Variants in SUGCT observed in about 807,000 individuals in gnomAD.
SUGCT encodes the protein succinyl-CoA:glutarate CoA-transferase.
A neutral mutation model predicts 55.0 loss-of-function variants in SUGCT; 41 were observed. The observed-to-expected ratio is 0.74, with a 90% CI of 0.58 to 0.97. SUGCT has a LOEUF of 0.97. Among genes scored for constraint, SUGCT ranks in the 50% least tolerant of loss-of-function variants. SUGCT has a pLI of 0.00. For synonymous variants in SUGCT, 187 were observed against 200.4 expected, an observed-to-expected ratio of 0.93 and a Z score of 0.56; for missense variants, 568 against 547.8, an observed-to-expected ratio of 1.04 and a Z score of -0.37.
chr7:40,389,442 A>AAAACAAACAAACAAACAAACAAAC (rs67574547), intron 9 of SUGCT, among the ~76,000 whole-genome samples: 4 of 107,228 alleles, frequency 3.7e-5, no homozygotes, highest in Admixed American at 2.2e-4. Flanking sequence ...CGCCTGTCTC[A>AAAACAAACAAACAAACAAACAAAC]AAACAAACAA....
intron 1 of SUGCT, chr7:40,153,746 C>A (rs1584197301): frequency 4.4e-6 from 2 of 451,092 alleles, no homozygotes; most frequent in East Asian, 1.2e-4. Context: ...AACATCACAT[C>A]TTTATTGACC....
intron 12 of SUGCT, among the ~76,000 whole-genome samples, chr7:40,610,181 G>A (rs1259870458): frequency 6.6e-6 from 1 of 152,188 alleles, no homozygotes; most frequent in Non-Finnish European, 1.5e-5. Context: ...CCATTGCTCT[G>A]GAAGGGAAGT....
intron 10 of SUGCT, among the ~76,000 whole-genome samples, chr7:40,452,220 A>G (rs970343166): frequency 6.6e-6 from 1 of 152,238 alleles, no homozygotes; most frequent in African/African-American, 2.4e-5. Context: ...GTTCATAACA[A>G]GTCCTACTTA....
At chr7:40,460,091 T>A (rs1321207030) in intron 11 of SUGCT, among the ~76,000 whole-genome samples, 1 of 152,234 alleles carries the variant, frequency 6.6e-6, no homozygotes, top group African/African-American at 2.4e-5. Context: ...GTAGTATACA[T>A]CAAAGTTATA....
intron 12 of SUGCT, among the ~76,000 whole-genome samples, chr7:40,572,699 A>T (rs976564182): frequency 6.6e-6 from 1 of 152,198 alleles, no homozygotes; most frequent in Non-Finnish European, 1.5e-5. Context: ...TTAAAGTATT[A>T]ACTTTTTCTT....
In SUGCT at chr7:40,651,433, GT is replaced by G. The variant is rs367763795; in HGVS notation, c.1090-97991del. On this transcript the variant is annotated intron_variant, in intron 12 of 13. Coordinates refer to ENST00000335693, the MANE Select transcript of SUGCT (RefSeq NM_001193313.2). Reference sequence around the variant, plus strand: ...CATGTCCTTTGCCCACTTTTTAATGGTTTTTTTTTTCTTGTGAATTTGTTTA... The same window carrying G: ...CATGTCCTTTGCCCACTTTTTAATGGTTTTTTTTTCTTGTGAATTTGTTTA... 4.7e-3 allele frequency among the ~76,000 whole-genome samples: 702 copies of G among 148,402 alleles called. 4 individuals are homozygous for G. The highest frequency in any genetic ancestry group is 0.015 in the African/African-American group (622 of 40,516).
At chr7:40,197,179 A>T (rs573280156) in intron 6 of SUGCT, among the ~76,000 whole-genome samples, 1 of 152,254 alleles carries the variant, frequency 6.6e-6, no homozygotes, top group Admixed American at 6.5e-5. Context: ...TGTACTTGGT[A>T]GATGATTCTT....
rs377646311 is a variant in SUGCT at position 40,650,531 on chromosome 7, A to G, written c.1090-98903A>G. Among the ~76,000 whole-genome samples, 16 of 152,296 alleles carry G rather than the reference A, an allele frequency of 1.1e-4. No individual in the cohort carries two copies. In the East Asian group the frequency reaches 2.7e-3, roughly 26 times the overall value. ...TGTAGGGTGTGTTTTACCTCCTCTT[A>G]TAATCTGTTAGGCAGAAATAATTGG... On this transcript the variant is annotated intron_variant, in intron 12 of 13. Transcript: ENST00000335693.
At chr7:40,296,340 G>T (rs952219467) in intron 8 of SUGCT, among the ~76,000 whole-genome samples, 3 of 152,086 alleles carry the variant, frequency 2.0e-5, no homozygotes, top group African/African-American at 4.8e-5. Context: ...CTACTTTATC[G>T]CTGGATGGCA....
In SUGCT at chr7:40,439,061, G is replaced by GGT. The variant is rs1554338573; in HGVS notation, c.817-10223_817-10222dup. 2.0e-3 allele frequency among the ~76,000 whole-genome samples: 104 copies of GGT among 51,866 alleles called. 7 individuals are homozygous for GGT. The highest frequency in any genetic ancestry group is 3.1e-3 in the African/African-American group (26 of 8,430). 34.0% of individuals were successfully genotyped at this position (51,866 alleles called of 152,430 possible). On this transcript the variant is annotated intron_variant, in intron 9 of 13. Coordinates refer to ENST00000335693, the MANE Select transcript of SUGCT (RefSeq NM_001193313.2). The stretch of plus-strand genomic sequence containing the variant: ...GTATATATATATATGGTATATATAT[G>GGT]GTGTATATATATATATATATATATA...
intron 9 of SUGCT, among the ~76,000 whole-genome samples, chr7:40,371,622 AT>A (rs1784299078): frequency 1.3e-5 from 2 of 152,192 alleles, no homozygotes; most frequent in South Asian, 4.1e-4. Context: ...TTGTTTAAAA[AT>A]ATTACAAAGA....
At chr7:40,778,119 C>T (rs1023804290) in intron 13 of SUGCT, among the ~76,000 whole-genome samples, 1 of 152,184 alleles carries the variant, frequency 6.6e-6, no homozygotes, top group African/African-American at 2.4e-5. Context: ...ATCATAGTGT[C>T]ACATGGACTG....
intron 11 of SUGCT, among the ~76,000 whole-genome samples, chr7:40,469,536 A>G (rs1179356520): frequency 1.3e-5 from 2 of 152,214 alleles, no homozygotes; most frequent in Non-Finnish European, 2.9e-5. Context: ...TAAAAGAAAG[A>G]AAGAAACACA....
At chr7:40,947,886 T>C in the SUGCT span, among the ~76,000 whole-genome samples, 1 of 152,222 alleles carries the variant, frequency 6.6e-6, no homozygotes, top group African/African-American at 2.4e-5. Flanking sequence ...TTATTGTTTG[T>C]GCAGAACCCC....
chr7:40,659,462 A>C (rs961725993), intron 12 of SUGCT, among the ~76,000 whole-genome samples: 2 of 152,176 alleles, frequency 1.3e-5, no homozygotes, highest in African/African-American at 2.4e-5. Flanking sequence ...TCCTCCCAGA[A>C]TATGTGAGCC....
intron 10 of SUGCT, among the ~76,000 whole-genome samples, chr7:40,450,008 A>G (rs532414792): frequency 6.6e-6 from 1 of 152,308 alleles, no homozygotes; most frequent in African/African-American, 2.4e-5. Flanking sequence ...GGATCACTGC[A>G]ACCTCTGCCT....
chr7:40,472,921 A>C (rs1790473175), intron 11 of SUGCT, among the ~76,000 whole-genome samples: 2 of 152,156 alleles, frequency 1.3e-5, no homozygotes, highest in South Asian at 4.1e-4. Flanking sequence ...GAAATGGCTA[A>C]ATTCTTATAA....
chr7:40,723,442 C>CT (rs1786454441), intron 12 of SUGCT, among the ~76,000 whole-genome samples: 1 of 152,018 alleles, frequency 6.6e-6, no homozygotes, highest in Admixed American at 6.6e-5. Flanking sequence ...CTTTTTCTTT[C>CT]TTTTTTGCGT....
intron 9 of SUGCT, among the ~76,000 whole-genome samples, chr7:40,391,593 C>T (rs1785434230): frequency 9.7e-6 from 1 of 103,500 alleles, no homozygotes; most frequent in Non-Finnish European, 2.1e-5. Context: ...GATACCATCT[C>T]ACACCAGTTC....
Sources: allele counts gnomAD v4.1 joint callset (sites outside exome capture counted in the v4.1 genomes callset), GRCh38; gene constraint gnomAD v4.1.1; transcripts MANE v1.5; gene names NCBI Gene and HGNC (gene_info 2026-07-23, HGNC 2026-07-21).